FDXACB1: variants seen among roughly 807,000 people sequenced by gnomAD.
FDXACB1 encodes ferredoxin-fold anticodon-binding domain-containing protein 1.
FDXACB1 carries 41 observed loss-of-function variants against 51.7 expected under a neutral mutation model. The ratio of observed to expected loss-of-function variants is 0.79; its 90% confidence interval spans 0.62 to 1.03. The LOEUF (loss-of-function observed/expected upper bound fraction) is 1.03, where lower values mean the gene tolerates loss of function less well. Ranked by LOEUF, FDXACB1 falls within the 50% of genes least tolerant of loss-of-function variation. The pLI, the probability that FDXACB1 is intolerant of heterozygous loss-of-function variation, is 0.00. For synonymous variants in FDXACB1, 273 were observed against 278.6 expected, an observed-to-expected ratio of 0.98 and a Z score of 0.20; for missense variants, 697 against 746.4, an observed-to-expected ratio of 0.93 and a Z score of 0.77.
chr11:111,877,512 C>CTTTTT (rs35506169), intron 2 of FDXACB1, among the ~76,000 whole-genome samples: 7 of 106,910 alleles, frequency 6.5e-5, no homozygotes, highest in Admixed American at 1.1e-4. Context: ...CTGTTAGTTA[C>CTTTTT]TTTTTTTTTT....
intron 2 of FDXACB1, 32 bp from the exon 3 acceptor site, chr11:111,877,043 A>G (rs782460318): frequency 3.8e-5 from 58 of 1,543,942 alleles, no homozygotes; most frequent in Non-Finnish European, 5.1e-5. Context: ...CTAACTAATT[A>G]TCATAAACAA....
In FDXACB1 at chr11:111,878,442, A is replaced by G. The variant is rs547159336; in HGVS notation, c.329+114T>C. 965 of 1,195,086 alleles carry G rather than the reference A, an allele frequency of 8.1e-4. 2 individuals are homozygous for G. Among genetic ancestry groups the G allele is most frequent in the Non-Finnish European group, 1.1e-3 (929 of 878,452 alleles). The allele number at this position is 1,195,086 out of a possible 1,614,324, so 74.0% of individuals were successfully genotyped here. ...AAACTTGGGGTTCCTTTGGGGCTTTATAGTCTCTTCTAAACATATCATAGT... is the reference window on the plus strand; with the variant it reads ...AAACTTGGGGTTCCTTTGGGGCTTTGTAGTCTCTTCTAAACATATCATAGT... On this transcript the variant is annotated intron_variant, in intron 2 of 4. Coordinates refer to ENST00000260257, the MANE Select transcript of FDXACB1 (RefSeq NM_138378.3).
In FDXACB1 at chr11:111,876,031, CTT is replaced by C. The variant is rs782392510; in HGVS notation, c.764_765del (p.Lys255SerfsTer28). On this transcript the variant is annotated frameshift_variant, in exon 5 of 5. Transcript: ENST00000260257. LOFTEE classifies it high-confidence loss of function. Reference protein sequence around the residue: ...INEKLIAELGKVFPLKRLKCS... With the variant: ...INEKLIAELGXVFPLKRLKCS... ...CACTTCAGCCTTTTTAGCGGGAAAA[CTT>C]TGCCTAATTCAGCAATGAGTTTCTC... The C allele has an allele frequency of 8.1e-6, 13 of 1,613,846 alleles. No homozygotes were observed. Among genetic ancestry groups the C allele is most frequent in the African/African-American group, 8.0e-5 (6 of 74,934 alleles).
rs782125732 is a variant in FDXACB1, at chr11:111,874,179, G to A, written c.*743C>T. On this transcript the variant is annotated 3_prime_UTR_variant, in exon 5 of 5. Coordinates refer to ENST00000260257, the MANE Select transcript of FDXACB1 (RefSeq NM_138378.3). The stretch of plus-strand genomic sequence containing the variant: ...TTTGCAATTTCCCAAGCTAATAAAT[G>A]TTAGTCTGATGCCAAAAACTACTCT... 10 of 152,124 alleles carry A rather than the reference G, an allele frequency of 6.6e-5. No individual in the cohort carries two copies. Among genetic ancestry groups the A allele is most frequent in the Non-Finnish European group, 1.3e-4 (9 of 68,010 alleles). The allele number at this position is 152,124 out of a possible 1,614,324, so 9.4% of individuals were successfully genotyped here.
At position 111,878,647 on chromosome 11, in the gene FDXACB1, C is replaced by A. The variant is rs781828338; in HGVS notation, c.238G>T (p.Glu80Ter). The A allele has an allele frequency of 5.0e-6, 8 of 1,609,340 alleles. No homozygotes were observed. The highest frequency in any genetic ancestry group is 2.7e-5 in the African/African-American group (2 of 74,884). The change falls in exon 2 of 5, where the codon GAA becomes TAA. Residue 80 changes from glutamate (E) to a stop codon, truncating the protein, a stop_gained. Coordinates refer to ENST00000260257, the MANE Select transcript of FDXACB1 (RefSeq NM_138378.3). LOFTEE classifies it high-confidence loss of function. ...AAGATGAAATAAATTTGATCAAATT[C>A]TCTCTCGTGCAGTTCAAAGACATCT... ...LADVFELHER[E>*]FDQIYFIFPH...
In FDXACB1 at chr11:111,875,344, C is replaced by A. The variant is rs1555161926; in HGVS notation, c.1453G>T (p.Val485Leu). Residue 485 changes from valine to leucine, a missense_variant, in exon 5 of 5, where the codon GTG becomes TTG. Around this residue, in one of 3 missense-constraint regions of FDXACB1, gnomAD observed 538 missense variants for 592.2 expected, o/e 0.91. Coordinates refer to ENST00000260257, the MANE Select transcript of FDXACB1 (RefSeq NM_138378.3). ...TSVIHKDQCF[V>L]FVSMNLDLLA... ...AAGTCCAAGTTCATAGACACAAACA[C>A]AAAACACTGGTCTTTATGTATAACA... 1 of 1,613,818 alleles carries A rather than the reference C, an allele frequency of 6.2e-7. No homozygotes were observed.
intron 2 of FDXACB1, among the ~76,000 whole-genome samples, chr11:111,877,768 C>T (rs1333976589): frequency 4.0e-5 from 6 of 151,754 alleles, no homozygotes; most frequent in Non-Finnish European, 8.8e-5. Context: ...CTGCTCACCT[C>T]GGCCTCCCAA....
At chr11:111,878,794 A>T (rs1386246180) in intron 1 of FDXACB1, 82 bp from the exon 2 acceptor site, 3 of 1,527,308 alleles carry the variant, frequency 2.0e-6, no homozygotes, top group East Asian at 4.8e-5. Flanking sequence ...TCCTAACTTA[A>T]ACCGTGCAGA....
Position 111,876,075 on chromosome 11 carries a change from G to A in FDXACB1, c.722C>T (p.Pro241Leu). 6.2e-7 allele frequency: 1 copy of A among 1,611,244 alleles called. No homozygotes were observed. Among genetic ancestry groups the A allele is most frequent in the South Asian group, 1.1e-5 (1 of 90,540 alleles). Reference sequence around the variant, plus strand: ...GAGTTTCTCATTTATGGTTTTGATAGGATGACATGAAGGTGCTTCCAGGAA... The same window carrying A: ...GAGTTTCTCATTTATGGTTTTGATAAGATGACATGAAGGTGCTTCCAGGAA... ...RGFLEAPSCH[P>L]IKTINEKLIA... Residue 241 changes from proline to leucine, a missense_variant, in exon 5 of 5, where the codon CCT becomes CTT. Pro to Leu is a moderately conservative substitution (Grantham distance 98). Around this residue, in one of 3 missense-constraint regions of FDXACB1, gnomAD observed 538 missense variants for 592.2 expected, o/e 0.91. Transcript: ENST00000260257.
rs1555161803 is a variant in FDXACB1, at chr11:111,874,873, C to T, written c.*49G>A. 6.5e-7 allele frequency: 1 copy of T among 1,532,092 alleles called. No homozygotes were observed. Among genetic ancestry groups the T allele is most frequent in the South Asian group, 1.2e-5 (1 of 82,112 alleles). 94.9% of individuals were successfully genotyped at this position (1,532,092 alleles called of 1,614,324 possible). Reference sequence around the variant, plus strand: ...CTGGTTGCAAGTTGGTAATTTTCCTCCACATCCCCCGCAATGAAGGATCAC... The same window carrying T: ...CTGGTTGCAAGTTGGTAATTTTCCTTCACATCCCCCGCAATGAAGGATCAC... On this transcript the variant is annotated 3_prime_UTR_variant, in exon 5 of 5. Transcript: ENST00000260257.
At position 111,876,945 on chromosome 11, in the gene FDXACB1, A is replaced by G. The variant is rs1964829429; in HGVS notation, c.396T>C (p.Thr132=). The G allele has an allele frequency of 6.2e-7, 1 of 1,609,500 alleles. No individual in the cohort carries two copies. Among genetic ancestry groups the G allele is most frequent in the African/African-American group, 1.3e-5 (1 of 75,018 alleles). The change falls in exon 3 of 5, where the codon ACT becomes ACC. Residue 132 remains threonine (T), a synonymous_variant. Transcript: ENST00000260257. ...HVALCRGQGG[T]PADKPQREWH... Reference sequence around the variant, plus strand: ...ATTCTCTCTGGGGCTTATCCGCAGGAGTTCCACCTTGTCCTCTACATAATG... The same window carrying G: ...ATTCTCTCTGGGGCTTATCCGCAGGGGTTCCACCTTGTCCTCTACATAATG...
Position 111,875,081 on chromosome 11 carries a change from A to G in FDXACB1, c.1716T>C (p.Phe572=), listed in dbSNP as rs1964780780. Residue 572 remains phenylalanine, a synonymous_variant, in exon 5 of 5, where the codon TTT becomes TTC. Transcript: ENST00000260257. Reference sequence around the variant, plus strand: ...TCTTTGGATGCTGGAAACGGCTAAGAAACTGTATGGATATAATAGTGTCCT... The same window carrying G: ...TCTTTGGATGCTGGAAACGGCTAAGGAACTGTATGGATATAATAGTGTCCT... ...VSQDTIISIQ[F]LSRFQHPKTQ... The G allele has an allele frequency of 1.9e-6, 3 of 1,613,818 alleles. No individual in the cohort carries two copies. Among genetic ancestry groups the G allele is most frequent in the Non-Finnish European group, 2.5e-6 (3 of 1,179,886 alleles).
rs377348351 is a variant in FDXACB1 at position 111,875,313 on chromosome 11, G to A, written c.1484C>T (p.Ala495Val). ...VFVSMNLDLL[A>V]MLVWCISDWR... ...GTCAGAGATACACCAGACAAGCATG[G>A]CTAATAAGTCCAAGTTCATAGACAC... The change falls in exon 5 of 5, where the codon GCC becomes GTC. Residue 495 changes from alanine (A) to valine (V), a missense_variant. By Grantham distance (64) the Ala-to-Val change is moderately conservative. This residue lies in a region of FDXACB1 where 538 missense variants were observed against 592.2 expected (regional missense o/e 0.91). Transcript: ENST00000260257. 1 of 1,613,704 alleles carries A rather than the reference G, an allele frequency of 6.2e-7. No homozygotes were observed. Among genetic ancestry groups the A allele is most frequent in the Admixed American group, 1.7e-5 (1 of 59,994 alleles).
At position 111,875,103 on chromosome 11, in the gene FDXACB1, TC is replaced by T. The variant is rs1566365877; in HGVS notation, c.1693del (p.Asp565ThrfsTer26). The T allele has an allele frequency of 6.2e-7, 1 of 1,613,910 alleles. No individual in the cohort carries two copies. The highest frequency in any genetic ancestry group is 8.5e-7 in the Non-Finnish European group (1 of 1,179,890). On this transcript the variant is annotated frameshift_variant, in exon 5 of 5. Transcript: ENST00000260257. LOFTEE classifies it high-confidence loss of function. ...FHTVARAVSQDTIISIQFLSR... is the reference protein window; with the variant it reads ...FHTVARAVSQXTIISIQFLSR... ...AAGAAACTGTATGGATATAATAGTG[TC>T]CTGAGACACTGCTCGGGCCACAGTG...
In FDXACB1 at chr11:111,878,659, G is replaced by A; in HGVS notation, c.226C>T (p.Leu76=). 1 of 1,611,136 alleles carries A rather than the reference G, an allele frequency of 6.2e-7. No homozygotes were observed. The highest frequency in any genetic ancestry group is 2.2e-5 in the East Asian group (1 of 44,832). The part of the protein sequence containing the change: ...DCTQLADVFE[L]HEREFDQIYF... ...ATTTGATCAAATTCTCTCTCGTGCA[G>A]TTCAAAGACATCTGCCAGCTGGGTG... Residue 76 remains leucine, a synonymous_variant, in exon 2 of 5, where the codon CTG becomes TTG. Coordinates refer to ENST00000260257, the MANE Select transcript of FDXACB1 (RefSeq NM_138378.3).
At position 111,874,799 on chromosome 11, in the gene FDXACB1, T is replaced by C; in HGVS notation, c.*123A>G. 3.9e-6 allele frequency: 3 copies of C among 777,860 alleles called. No homozygotes were observed. Among genetic ancestry groups the C allele is most frequent in the East Asian group, 2.7e-5 (1 of 36,588 alleles). 48.2% of individuals were successfully genotyped at this position (777,860 alleles called of 1,614,324 possible). ...AAAAAAGATCAACGAACAGTAGCTA[T>C]GGTCACAAAGTAAAAGATTTTACAA... On this transcript the variant is annotated 3_prime_UTR_variant, in exon 5 of 5. Transcript: ENST00000260257.
chr11:111,877,935 C>T (rs1015786282), intron 2 of FDXACB1, among the ~76,000 whole-genome samples: 11 of 152,008 alleles, frequency 7.2e-5, no homozygotes, highest in Non-Finnish European at 1.5e-4. Context: ...TGCCTGTAAT[C>T]CCAGCACTTT....
chr11:111,879,001 AT>A lies in FDXACB1; in HGVS notation c.131del (p.Asp44ValfsTer54). The A allele has an allele frequency of 6.2e-7, 1 of 1,612,058 alleles. No homozygotes were observed. The highest frequency in any genetic ancestry group is 8.5e-7 in the Non-Finnish European group (1 of 1,179,260). On this transcript the variant is annotated frameshift_variant, in exon 1 of 5. Transcript: ENST00000260257. LOFTEE classifies it high-confidence loss of function. ...ACTGCAGATTCTCCCAGGCCAGTGG[AT>A]CCCGAGCCAACTCGGCCGGGCGCTG... is the stretch of plus-strand genomic sequence containing the variant. ...CLQRPAELARDPLAWENLQCL... is the reference protein window; with the variant it reads ...CLQRPAELARXPLAWENLQCL...
In FDXACB1 at chr11:111,875,740, C is replaced by G. The variant is rs1964799918; in HGVS notation, c.1057G>C (p.Val353Leu). The G allele has an allele frequency of 6.2e-7, 1 of 1,613,594 alleles. No individual in the cohort carries two copies. Among genetic ancestry groups the G allele is most frequent in the East Asian group, 2.2e-5 (1 of 44,890 alleles). Residue 353 changes from valine to leucine, a missense_variant, in exon 5 of 5, where the codon GTG becomes CTG. Val to Leu is a conservative substitution (Grantham distance 32). Coordinates refer to ENST00000260257, the MANE Select transcript of FDXACB1 (RefSeq NM_138378.3). Reference protein sequence around the residue: ...AKICLRPSLLVHVQDVIEVPD... With the variant: ...AKICLRPSLLLHVQDVIEVPD... ...ACTTCGATGACATCCTGAACATGCACTAGGAGAGAAGGTCTAAGGCAGATC... is the reference window on the plus strand; with the variant it reads ...ACTTCGATGACATCCTGAACATGCAGTAGGAGAGAAGGTCTAAGGCAGATC...
Sources: allele counts gnomAD v4.1 joint callset (sites outside exome capture counted in the v4.1 genomes callset), GRCh38; gene constraint gnomAD v4.1.1; regional missense constraint gnomAD v4.1.1; transcripts MANE v1.5; gene names NCBI Gene and HGNC (gene_info 2026-07-23, HGNC 2026-07-21).